The following LHFPL4 variants were observed in gnomAD, a reference collection of about 807,000 sequenced individuals.
The protein encoded by LHFPL4 is LHFPL tetraspan subfamily member 4 protein.
Under a neutral mutation model 20.0 loss-of-function variants are expected in LHFPL4, and 6 were observed. The ratio of observed to expected loss-of-function variants is 0.30; its 90% CI spans 0.16 to 0.59. The LOEUF is 0.59. Among genes scored for constraint, LHFPL4 ranks in the 20% least tolerant of loss-of-function variants. LHFPL4 has a pLI of 0.88. For synonymous variants in LHFPL4, 129 were observed against 143.8 expected (o/e 0.90, Z 0.74); for missense variants, 215 against 331.2 (o/e 0.65, Z 2.72).
intron 2 of LHFPL4, among the ~76,000 whole-genome samples, chr3:9,530,346 C>A (rs574629885): frequency 6.6e-6 from 1 of 152,216 alleles, no homozygotes; most frequent in Non-Finnish European, 1.5e-5. Flanking sequence ...TACATCACCA[C>A]CTGCTGCTTT....
intron 2 of LHFPL4, among the ~76,000 whole-genome samples, chr3:9,523,143 G>T (rs2046351166): frequency 6.6e-6 from 1 of 151,386 alleles, no homozygotes; most frequent in African/African-American, 2.4e-5. Flanking sequence ...AGCGAGCCAG[G>T]CATGGTGGCT....
intron 2 of LHFPL4, among the ~76,000 whole-genome samples, chr3:9,522,896 C>A (rs2125660304): frequency 6.6e-6 from 1 of 151,518 alleles, no homozygotes; most frequent in South Asian, 2.1e-4. Flanking sequence ...AAAAAATTAG[C>A]CTGGCGTGGT....
rs1559512958 is a variant in LHFPL4, at chr3:9,501,540, C to A, written c.*671G>T. 1 of 152,608 alleles carries A rather than the reference C, an allele frequency of 6.6e-6. No homozygotes were observed. The highest frequency in any genetic ancestry group is 1.5e-5 in the Non-Finnish European group (1 of 68,310). 9.5% of individuals were successfully genotyped at this position (152,608 alleles called of 1,614,324 possible). On this transcript the variant is annotated 3_prime_UTR_variant, in exon 4 of 4. Coordinates refer to ENST00000287585, the MANE Select transcript of LHFPL4 (RefSeq NM_198560.3). The stretch of plus-strand genomic sequence containing the variant: ...GTACCCCCTCCCGCTACCTCCAGAG[C>A]CTGAAAGTCTTTTCTGACTCTGGGC...
intron 2 of LHFPL4, among the ~76,000 whole-genome samples, chr3:9,530,762 T>A (rs867799365): frequency 1.3e-5 from 2 of 152,220 alleles, no homozygotes; most frequent in African/African-American, 4.8e-5. Flanking sequence ...TAAATATTTA[T>A]TTATTTACTT....
At chr3:9,551,658 A>C (rs1574858388) in intron 2 of LHFPL4, among the ~76,000 whole-genome samples, 5 of 152,172 alleles carry the variant, frequency 3.3e-5, no homozygotes, top group African/African-American at 1.2e-4. Flanking sequence ...CCCTCCAGAG[A>C]CCCATATCAC....
intron 2 of LHFPL4, among the ~76,000 whole-genome samples, chr3:9,523,469 T>C (rs977799433): frequency 1.3e-5 from 2 of 151,264 alleles, no homozygotes; most frequent in African/African-American, 4.9e-5. Context: ...TTTATTTATT[T>C]ATTTATTTAT....
In LHFPL4 at chr3:9,504,381, G is replaced by GAAA. The variant is rs59021970; in HGVS notation, c.643+1583_643+1585dup. Among the ~76,000 whole-genome samples, 341 of 139,066 alleles carry GAAA rather than the reference G, an allele frequency of 2.5e-3. 5 individuals are homozygous for GAAA. Among genetic ancestry groups the GAAA allele is most frequent in the African/African-American group, 7.3e-3 (281 of 38,302 alleles). 91.2% of individuals were successfully genotyped at this position (139,066 alleles called of 152,430 possible). A position where few individuals can be genotyped will look rare whatever the true frequency, so the allele number is the denominator to read the frequency against. ...CAACTGAGCAAGACACTGTCTCAAG[G>GAAA]AAAAAAAAAAAAAAGGACTCTAACG... On this transcript the variant is annotated intron_variant, in intron 3 of 3. Coordinates refer to ENST00000287585, the MANE Select transcript of LHFPL4 (RefSeq NM_198560.3).
Position 9,502,274 on chromosome 3 carries a change from G to T in LHFPL4, c.681C>A (p.Pro227=). ...VGSTVSSVLR[P]GGDVSGWGVL... ...CTCCCCATCCAGAGACATCACCCCC[G>T]GGCCGCAACACGGAGCTTACTGTAG... Residue 227 remains proline, a synonymous_variant, in exon 4 of 4, where the codon CCC becomes CCA. Transcript: ENST00000287585. The T allele has an allele frequency of 1.9e-6, 3 of 1,613,910 alleles. No homozygotes were observed. Among genetic ancestry groups the T allele is most frequent in the Non-Finnish European group, 2.5e-6 (3 of 1,179,874 alleles).
At chr3:9,539,620 G>GATTTA (rs2046465349) in intron 2 of LHFPL4, among the ~76,000 whole-genome samples, 1 of 78,898 alleles carries the variant, frequency 1.3e-5, no homozygotes, top group Admixed American at 1.2e-4. Context: ...GAGGGAATTT[G>GATTTA]CTTATAGTAA....
At chr3:9,504,307 G>C (rs1355498020) in intron 3 of LHFPL4, among the ~76,000 whole-genome samples, 1 of 151,616 alleles carries the variant, frequency 6.6e-6, no homozygotes, top group East Asian at 1.9e-4. Flanking sequence ...GAACCCAGGA[G>C]CTGGAGGCTG....
intron 3 of LHFPL4, among the ~76,000 whole-genome samples, chr3:9,505,013 T>C (rs1301587108): frequency 2.0e-5 from 3 of 152,138 alleles, no homozygotes; most frequent in Non-Finnish European, 4.4e-5. Flanking sequence ...AGTGTGACAT[T>C]TTCACAGCTG....
At chr3:9,544,306 C>T (rs1333959892) in intron 2 of LHFPL4, among the ~76,000 whole-genome samples, 1 of 151,588 alleles carries the variant, frequency 6.6e-6, no homozygotes, top group African/African-American at 2.4e-5. Context: ...AAAAAAAAAC[C>T]CTTTAACAAT....
Position 9,552,395 on chromosome 3 carries a change from G to T in LHFPL4, c.285C>A (p.Ala95=). The T allele has an allele frequency of 6.2e-7, 1 of 1,613,944 alleles. No individual in the cohort carries two copies. Among genetic ancestry groups the T allele is most frequent in the East Asian group, 2.2e-5 (1 of 44,872 alleles). ...CCATGGAGAGCAGCACGAAGAAGGC[G>T]GCCGCCTTGAAGGCGCTGGACGGGA... The part of the protein sequence containing the change: ...STIPSSAFKA[A]AFFVLLSMVL... The change falls in exon 2 of 4, where the codon GCC becomes GCA. Residue 95 remains alanine, a synonymous_variant. Coordinates refer to ENST00000287585, the MANE Select transcript of LHFPL4 (RefSeq NM_198560.3).
intron 2 of LHFPL4, among the ~76,000 whole-genome samples, chr3:9,523,082 A>AAGAAAGAAAGAC (rs2046350128): frequency 1.5e-5 from 2 of 131,054 alleles, no homozygotes; most frequent in Non-Finnish European, 3.1e-5. Flanking sequence ...AAAAGGAAGA[A>AAGAAAGAAAGAC]AGAAAGAAAG....
intron 2 of LHFPL4, among the ~76,000 whole-genome samples, chr3:9,511,134 G>A (rs2046256758): frequency 6.6e-6 from 1 of 151,574 alleles, no homozygotes; most frequent in Admixed American, 6.6e-5. Context: ...GGTGGATCAC[G>A]AGGTCAGGAG....
intron 2 of LHFPL4, among the ~76,000 whole-genome samples, chr3:9,529,176 G>A (rs1051132107): frequency 2.0e-5 from 3 of 151,786 alleles, no homozygotes; most frequent in Non-Finnish European, 1.5e-5. Flanking sequence ...CTACAGGTGC[G>A]TGCCACCACA....
intron 2 of LHFPL4, among the ~76,000 whole-genome samples, chr3:9,520,202 C>T (rs556131222): frequency 1.1e-3 from 173 of 152,152 alleles, no homozygotes; most frequent in Admixed American, 1.6e-3. Context: ...ACAATTGTAA[C>T]CCTGGCACTT....
chr3:9,518,602 C>G (rs572130753), intron 2 of LHFPL4, among the ~76,000 whole-genome samples: 176 of 152,110 alleles, frequency 1.2e-3, no homozygotes, highest in Admixed American at 1.8e-3. Context: ...TTTATGTTGC[C>G]TATTTCTTCT....
chr3:9,551,499 C>T (rs2046553807), intron 2 of LHFPL4, among the ~76,000 whole-genome samples: 1 of 152,206 alleles, frequency 6.6e-6, no homozygotes, highest in South Asian at 2.1e-4. Context: ...CTCAGCATTT[C>T]TCATTCCCAA....
Sources: gnomAD v4.1 joint callset for allele counts (sites outside exome capture counted in the v4.1 genomes callset) on GRCh38, gnomAD v4.1.1 for gene constraint, MANE v1.5 for transcripts, NCBI Gene and HGNC (gene_info 2026-07-23, HGNC 2026-07-21) for gene names.